The following DYNC2H1 variants were observed in gnomAD, a reference collection of about 807,000 sequenced individuals.
DYNC2H1 encodes the protein dynein cytoplasmic 2 heavy chain 1.
Under a neutral mutation model 570.0 loss-of-function variants are expected in DYNC2H1, and 410 were observed. That is an observed-to-expected ratio of 0.72 (90% CI 0.66 to 0.78). The LOEUF (loss-of-function observed/expected upper bound fraction) is 0.78, where lower values mean the gene tolerates loss of function less well. DYNC2H1 is among the 30% of genes least tolerant of loss of function. The pLI is 0.00. For missense variants in DYNC2H1, 4,865 were observed against 5,046.4 expected, an observed-to-expected ratio of 0.96 and a Z score of 1.09; for synonymous variants, 1,688 against 1,677.6, an observed-to-expected ratio of 1.01 and a Z score of -0.15.
rs1264892651 is a variant in DYNC2H1 at position 103,149,047 on chromosome 11, ACT to A, written c.2946+433_2946+434del. Among the ~76,000 whole-genome samples, 4 of 152,212 alleles carry A rather than the reference ACT, an allele frequency of 2.6e-5. No individual in the cohort carries two copies. The East Asian group carries it at 7.7e-4, about 29-fold the overall frequency. ...ACTCCAGCCTGGGTGACAGAGCGAG[ACT>A]CTGTCTCGAAATAAATAAATAAGTA... On this transcript the variant is annotated intron_variant, in intron 20 of 88. Coordinates refer to ENST00000375735, the MANE Select transcript of DYNC2H1 (RefSeq NM_001377.3).
chr11:103,408,063 T>G (rs1192767006), intron 84 of DYNC2H1: 1 of 151,966 alleles, frequency 6.6e-6, no homozygotes, highest in Non-Finnish European at 1.5e-5. Context: ...GTGGCTAGTA[T>G]AAATAGGAGG....
intron 75 of DYNC2H1, among the ~76,000 whole-genome samples, chr11:103,292,115 G>T (rs1454624720): frequency 1.4e-5 from 2 of 147,372 alleles, no homozygotes; most frequent in Non-Finnish European, 3.0e-5. Context: ...CGGCTATTTT[G>T]TTTTTTTGTT....
chr11:103,356,641 G>A (rs765797539), intron 82 of DYNC2H1, among the ~76,000 whole-genome samples: 1 of 152,068 alleles, frequency 6.6e-6, no homozygotes, highest in Non-Finnish European at 1.5e-5. Flanking sequence ...GATAAATTAG[G>A]TGCTATTGTA....
In DYNC2H1 at chr11:103,211,930, A is replaced by G. The variant is rs1420340514; in HGVS notation, c.8681A>G (p.Gln2894Arg). ...AAGAAAAAGGAATTATTAAAAAGAC[A>G]AAGTCATTTGCAGGTATAGTATTGG... is the stretch of plus-strand genomic sequence containing the variant. ...SSKKKELLKRQSHLQAGVSKL... is the reference protein window; with the variant it reads ...SSKKKELLKRRSHLQAGVSKL... Residue 2894 changes from glutamine to arginine, a missense_variant, in exon 54 of 89, where the codon CAA becomes CGA. Gln to Arg is a conservative substitution (Grantham distance 43). Coordinates refer to ENST00000375735, the MANE Select transcript of DYNC2H1 (RefSeq NM_001377.3). The G allele has an allele frequency of 1.3e-6, 2 of 1,527,564 alleles. No individual in the cohort carries two copies. The highest frequency in any genetic ancestry group is 2.8e-5 in the African/African-American group (2 of 72,330). 94.6% of individuals were successfully genotyped at this position (1,527,564 alleles called of 1,614,324 possible).
rs192265537 is a variant in DYNC2H1, at chr11:103,241,627, T to C, written c.9820-2066T>C. 126 of 1,235,238 alleles carry C rather than the reference T, an allele frequency of 1.0e-4. No individual in the cohort carries two copies. The African/African-American group carries it at 1.8e-3, about 18-fold the overall frequency. The allele number at this position is 1,235,238 out of a possible 1,614,324, so 76.5% of individuals were successfully genotyped here. ...GAATTGTGAAATGTGTGCTATTGAA[T>C]GCTAGCATAAAATTAGATCAAAAAC... On this transcript the variant is annotated intron_variant, in intron 63 of 88. Coordinates refer to ENST00000375735, the MANE Select transcript of DYNC2H1 (RefSeq NM_001377.3). This position sits in a 1 kb window ranked among gnomAD's most constrained non-coding sequence, Gnocchi z 5.1.
intron 83 of DYNC2H1, among the ~76,000 whole-genome samples, chr11:103,386,601 T>C (rs2135593349): frequency 6.6e-6 from 1 of 152,276 alleles, no homozygotes; most frequent in East Asian, 1.9e-4. Context: ...CTGCACCCAT[T>C]AACTCATCAT....
chr11:103,295,511 G>A (rs1171988535), intron 75 of DYNC2H1, among the ~76,000 whole-genome samples: 3 of 152,112 alleles, frequency 2.0e-5, no homozygotes, highest in Non-Finnish European at 2.9e-5. Context: ...TTCTCTTATG[G>A]TATGAGTTTA....
intron 88 of DYNC2H1, 39 bp from the exon 89 acceptor site, chr11:103,479,056 T>C: frequency 1.2e-6 from 2 of 1,604,752 alleles, no homozygotes; most frequent in Non-Finnish European, 8.5e-7. Context: ...TTCCAAATAG[T>C]GTATTGCTTT....
intron 17 of DYNC2H1, among the ~76,000 whole-genome samples, chr11:103,142,876 G>A (rs910181697): frequency 6.6e-6 from 1 of 152,038 alleles, no homozygotes; most frequent in East Asian, 1.9e-4. Context: ...CTGAAAATTT[G>A]ACCAGTTTCT....
At chr11:103,126,882 C>T (rs2134741535) in intron 12 of DYNC2H1, among the ~76,000 whole-genome samples, 1 of 152,308 alleles carries the variant, frequency 6.6e-6, no homozygotes, top group South Asian at 2.1e-4. Flanking sequence ...TTGTGATCCG[C>T]CTACCTTGGC....
rs1465737836 is a variant in DYNC2H1 at position 103,264,046 on chromosome 11, A to G, written c.10695+4069A>G. On this transcript the variant is annotated intron_variant, in intron 70 of 88. Transcript: ENST00000375735. The surrounding 1 kb of genome is among the most constrained non-coding windows in gnomAD (Gnocchi z 4.8). ...ATATCACCACCGATCCCACAGAAAT[A>G]CAAACTACCATCAGAGAATACTATA... is the stretch of plus-strand genomic sequence containing the variant. Among the ~76,000 whole-genome samples the G allele has an allele frequency of 4.6e-5, 7 of 152,216 alleles. No individual in the cohort carries two copies. Among genetic ancestry groups the G allele is most frequent in the African/African-American group, 1.7e-4 (7 of 41,460 alleles).
At chr11:103,184,388 G>A (rs752768879) in intron 40 of DYNC2H1, among the ~76,000 whole-genome samples, 29 of 151,812 alleles carry the variant, frequency 1.9e-4, no homozygotes, top group Non-Finnish European at 3.7e-4. Context: ...CACTTACCAG[G>A]GACCCCAGGG....
At chr11:103,229,317 A>T (rs1591442589) in intron 59 of DYNC2H1, among the ~76,000 whole-genome samples, 1 of 152,200 alleles carries the variant, frequency 6.6e-6, no homozygotes, top group African/African-American at 2.4e-5. Context: ...GTAAGTCTCC[A>T]CATGCTCCTC....
chr11:103,448,000 C>G (rs897675140), intron 85 of DYNC2H1, among the ~76,000 whole-genome samples: 2 of 151,924 alleles, frequency 1.3e-5, no homozygotes, highest in African/African-American at 4.8e-5. Context: ...TTTTAAGATA[C>G]CTAAGACATA....
chr11:103,144,744 C>G (rs1479452906), intron 18 of DYNC2H1, among the ~76,000 whole-genome samples: 2 of 152,046 alleles, frequency 1.3e-5, no homozygotes, highest in Admixed American at 6.6e-5. Flanking sequence ...GGGTTCTAAA[C>G]AGGAGTGTGT....
intron 83 of DYNC2H1, among the ~76,000 whole-genome samples, chr11:103,366,217 G>A (rs1030646798): frequency 4.6e-5 from 7 of 152,244 alleles, no homozygotes; most frequent in Admixed American, 2.6e-4. Context: ...TGCTAATACA[G>A]AAGTAAAGCA....
chr11:103,179,263 A>G lies in DYNC2H1; in HGVS notation c.6347+30A>G, dbSNP rs1312201530. 1.9e-6 allele frequency: 3 copies of G among 1,584,660 alleles called. No individual in the cohort carries two copies. The East Asian group carries it at 6.7e-5, about 36-fold the overall frequency. ...GCCATAGATTATTTATATACAGTAT[A>G]TTAGAATATTCTTTTACTGTCCTGG... On this transcript the variant is annotated intron_variant, in intron 39 of 88. Coordinates refer to ENST00000375735, the MANE Select transcript of DYNC2H1 (RefSeq NM_001377.3).
chr11:103,218,346 T>C (rs1208521844), intron 55 of DYNC2H1, among the ~76,000 whole-genome samples: 1 of 152,172 alleles, frequency 6.6e-6, no homozygotes, highest in Non-Finnish European at 1.5e-5. Context: ...CAAACTATGA[T>C]AGAAATCAAA....
intron 6 of DYNC2H1, among the ~76,000 whole-genome samples, chr11:103,118,784 T>A (rs1858549622): frequency 6.6e-6 from 1 of 152,226 alleles, no homozygotes; most frequent in South Asian, 2.1e-4. Context: ...CCCCTTTTTT[T>A]ATGCCATATG....
Sources: gnomAD v4.1 joint callset for allele counts (sites outside exome capture counted in the v4.1 genomes callset) on GRCh38, gnomAD v4.1.1 for gene constraint, Gnocchi (gnomAD v3.1) non-coding constraint, MANE v1.5 for transcripts, NCBI Gene and HGNC (gene_info 2026-07-23, HGNC 2026-07-21) for gene names.